Variants in BRD10 observed in about 807,000 individuals in gnomAD.
The protein encoded by BRD10 is uncharacterized bromodomain-containing protein 10.
chr9:5,944,873 A>AT, the BRD10 span: 4 of 1,506,336 alleles, frequency 2.7e-6, no homozygotes, highest in South Asian at 1.2e-5. Context: ...ACACCTACCG[A>AT]TTTTTTTCTA....
At chr9:6,002,687 CTTT>C in the BRD10 span, among the ~76,000 whole-genome samples, 1 of 135,868 alleles carries the variant, frequency 7.4e-6, no homozygotes, top group Non-Finnish European at 1.6e-5. Context: ...GGATGCTGTA[CTTT>C]TTTTTTTTTT....
At chr9:5,880,109 C>T in the BRD10 span, among the ~76,000 whole-genome samples, 1 of 151,784 alleles carries the variant, frequency 6.6e-6, no homozygotes, top group Non-Finnish European at 1.5e-5. Context: ...TTAGTAGAGA[C>T]AGGGTTTCAC....
the BRD10 span, among the ~76,000 whole-genome samples, chr9:5,906,338 A>AAAACAG: frequency 6.7e-6 from 1 of 150,030 alleles, no homozygotes; most frequent in Admixed American, 6.6e-5. Flanking sequence ...TCAAAAAAAA[A>AAAACAG]AAAAGAAAAG....
At chr9:5,929,405 T>G in the BRD10 span, among the ~76,000 whole-genome samples, 1 of 152,170 alleles carries the variant, frequency 6.6e-6, no homozygotes, top group African/African-American at 2.4e-5. Flanking sequence ...TAAAAATGTT[T>G]TAAAATTGCA....
chr9:6,005,071 G>GT, the BRD10 span, among the ~76,000 whole-genome samples: 1 of 152,294 alleles, frequency 6.6e-6, no homozygotes. Flanking sequence ...CTACAATGTT[G>GT]TAAGTTTAAT....
chr9:5,884,556 T>A, the BRD10 span, among the ~76,000 whole-genome samples: 1 of 152,220 alleles, frequency 6.6e-6, no homozygotes, highest in African/African-American at 2.4e-5. Context: ...TAACTTCCAC[T>A]GGACTGGCCT....
chr9:5,948,433 A>G, the BRD10 span, among the ~76,000 whole-genome samples: 2 of 152,248 alleles, frequency 1.3e-5, no homozygotes, highest in Admixed American at 1.3e-4. Context: ...TAATATTAAA[A>G]GGTCCTCTCT....
chr9:6,006,972 G>A, the BRD10 span, among the ~76,000 whole-genome samples: 12 of 152,196 alleles, frequency 7.9e-5, no homozygotes, highest in South Asian at 6.2e-4. Flanking sequence ...CAGCGCTGCA[G>A]ACTCGGGTTT....
At chr9:5,923,303 A>G in the BRD10 span, 12 of 1,591,546 alleles carry the variant, frequency 7.5e-6, no homozygotes, top group African/African-American at 6.8e-5. Flanking sequence ...TGACAACTTC[A>G]TATCATCTGA....
the BRD10 span, among the ~76,000 whole-genome samples, chr9:5,915,371 A>C: frequency 6.6e-6 from 1 of 152,170 alleles, no homozygotes; most frequent in East Asian, 1.9e-4. Flanking sequence ...CTTTAGGTAA[A>C]TTATCTCATC....
At chr9:5,969,944 T>C in the BRD10 span, among the ~76,000 whole-genome samples, 5 of 152,258 alleles carry the variant, frequency 3.3e-5, no homozygotes, top group Admixed American at 1.3e-4. Context: ...CTGAATTTGA[T>C]GGAGGATTGC....
chr9:6,004,160 C>T, the BRD10 span, among the ~76,000 whole-genome samples: 3 of 152,192 alleles, frequency 2.0e-5, no homozygotes, highest in Non-Finnish European at 2.9e-5. Context: ...TTCCTTACCT[C>T]GTCTCACTTG....
At chr9:5,910,188 T>G in the BRD10 span, 1 of 152,210 alleles carries the variant, frequency 6.6e-6, no homozygotes, top group African/African-American at 2.4e-5. Context: ...AGAAATTACT[T>G]TCTCACTATA....
chr9:5,995,644 G>A, the BRD10 span, among the ~76,000 whole-genome samples: 2 of 152,046 alleles, frequency 1.3e-5, no homozygotes, highest in African/African-American at 2.4e-5. Flanking sequence ...AATGCAAAGG[G>A]TATTTTTCAG....
the BRD10 span, among the ~76,000 whole-genome samples, chr9:5,990,435 T>C: frequency 1.3e-5 from 2 of 152,214 alleles, no homozygotes; most frequent in South Asian, 4.1e-4. Flanking sequence ...CACAGAACAC[T>C]GGGGATAAGG....
the BRD10 span, among the ~76,000 whole-genome samples, chr9:5,903,343 G>A: frequency 9.2e-5 from 14 of 152,232 alleles, no homozygotes; most frequent in Non-Finnish European, 1.5e-4. Flanking sequence ...CTAGTTAATC[G>A]AAGATTTTGT....
chr9:5,957,416 C>A, the BRD10 span, among the ~76,000 whole-genome samples: 12 of 152,256 alleles, frequency 7.9e-5, no homozygotes, highest in African/African-American at 2.9e-4. Context: ...TGACATACTG[C>A]GCATTTGTTA....
At chr9:5,897,042 T>C in the BRD10 span, among the ~76,000 whole-genome samples, 3 of 152,230 alleles carry the variant, frequency 2.0e-5, no homozygotes, top group Non-Finnish European at 4.4e-5. Flanking sequence ...CTGCCTTTTA[T>C]TTCCTCTTCT....
chr9:5,920,527 C>T, the BRD10 span: 146 of 1,613,830 alleles, frequency 9.0e-5, 1 homozygote, highest in East Asian at 2.7e-3. Context: ...CAAAATTGGA[C>T]GTATTAGTTA....
Sources: gnomAD v4.1 joint callset for allele counts (sites outside exome capture counted in the v4.1 genomes callset) on GRCh38, gnomAD v4.1.1 for gene constraint, MANE v1.5 for transcripts, NCBI Gene and HGNC (gene_info 2026-07-23, HGNC 2026-07-21) for gene names.